Variants in CAPN2 observed in about 807,000 individuals in gnomAD.
The protein encoded by CAPN2 is calpain-2 catalytic subunit.
CAPN2 carries 92 observed loss-of-function variants against 102.3 expected under a neutral mutation model. The ratio of observed to expected loss-of-function variants is 0.90; its 90% CI spans 0.76 to 1.07. The LOEUF (loss-of-function observed/expected upper bound fraction) is 1.07, where lower values mean the gene tolerates loss of function less well. Among genes scored for constraint, CAPN2 ranks in the 50% least tolerant of loss-of-function variants. The pLI is 0.00. For synonymous variants in CAPN2, 340 were observed against 355.4 expected, an observed-to-expected ratio of 0.96 and a Z score of 0.49; for missense variants, 800 against 909.4, an observed-to-expected ratio of 0.88 and a Z score of 1.55.
chr1:223,730,442 G>C (rs192732027), intron 2 of CAPN2, among the ~76,000 whole-genome samples: 32 of 151,872 alleles, frequency 2.1e-4, no homozygotes, highest in African/African-American at 7.5e-4. Flanking sequence ...GAAGCCAAAA[G>C]ATTGGACACC....
rs201781579 is a variant in CAPN2 at position 223,755,498 on chromosome 1, C to T, written c.1154C>T (p.Pro385Leu). 19 of 1,613,936 alleles carry T rather than the reference C, an allele frequency of 1.2e-5. No individual in the cohort carries two copies. Among genetic ancestry groups the T allele is most frequent in the Non-Finnish European group, 1.6e-5 (19 of 1,180,028 alleles). ...GCTGCAGACACATTCTGGATGAACC[C>T]TCAGTACCTGATCAAGCTGGAGGAG... ...RNYPNTFWMNPQYLIKLEEED... is the reference protein window; with the variant it reads ...RNYPNTFWMNLQYLIKLEEED... The change falls in exon 10 of 21, where the codon CCT (proline) becomes CTT (leucine). Residue 385 changes from proline (P) to leucine (L), a missense_variant. Coordinates refer to ENST00000295006, the MANE Select transcript of CAPN2 (RefSeq NM_001748.5). The surrounding 1 kb of genome is among the most constrained non-coding windows in gnomAD (Gnocchi z 4.1).
chr1:223,742,518 A>T (rs200393875), intron 2 of CAPN2, among the ~76,000 whole-genome samples: 4,758 of 114,410 alleles, frequency 0.042, 169 homozygotes, highest in South Asian at 0.057. Context: ...ATATATATAT[A>T]TTTTTTTTTT....
In CAPN2 at chr1:223,749,017, C is replaced by T. The variant is rs775111866; in HGVS notation, c.730-22C>T. 15 of 1,609,616 alleles carry T rather than the reference C, an allele frequency of 9.3e-6. 1 individual carries two copies. In the East Asian group the frequency reaches 3.3e-4, roughly 36 times the overall value. On this transcript the variant is annotated intron_variant, in intron 5 of 20. Coordinates refer to ENST00000295006, the MANE Select transcript of CAPN2 (RefSeq NM_001748.5). The stretch of plus-strand genomic sequence containing the variant: ...GGAAGGGAGAGCGGGTGCGGCCAGT[C>T]TGACGGTTGCTGTGTTTGCAGATCA...
intron 2 of CAPN2, among the ~76,000 whole-genome samples, chr1:223,723,518 G>A (rs573416816): frequency 6.6e-6 from 1 of 152,054 alleles, no homozygotes; most frequent in South Asian, 2.1e-4. Flanking sequence ...GGGCCATCAT[G>A]TCCCCTCGGC....
At chr1:223,715,917 T>G (rs1481893477) in intron 1 of CAPN2, among the ~76,000 whole-genome samples, 1 of 152,234 alleles carries the variant, frequency 6.6e-6, no homozygotes, top group East Asian at 1.9e-4. Context: ...CATGTTTACA[T>G]CATTATCTCA....
upstream of CAPN2, among the ~76,000 whole-genome samples, chr1:223,709,292 T>C (rs1187242823): frequency 1.3e-5 from 2 of 152,252 alleles, no homozygotes; most frequent in East Asian, 3.9e-4. Flanking sequence ...AGAGGAATAA[T>C]AGTGACAAAA....
rs184906880 is a variant in CAPN2 at position 223,774,338 on chromosome 1, C to T, written c.2080-496C>T. Among the ~76,000 whole-genome samples, 184 of 152,316 alleles carry T rather than the reference C, an allele frequency of 1.2e-3. 1 individual carries two copies. The highest frequency in any genetic ancestry group is 0.01 in the Middle Eastern group (3 of 294). On this transcript the variant is annotated intron_variant, in intron 20 of 20. Transcript: ENST00000295006. ...GGATGAGCCATGTTCAGAAGCTCTC[C>T]GTTCAGTCTGCAGGGATTTCAACCT...
At chr1:223,750,745 C>T (rs1660865592) in intron 6 of CAPN2, 145 bp from the exon 7 acceptor site, 4 of 694,916 alleles carry the variant, frequency 5.8e-6, no homozygotes, top group African/African-American at 1.8e-5. Context: ...GATCCTCCCT[C>T]ATACATGGAC....
rs1436682876 is a variant in CAPN2, at chr1:223,745,435, G to A, written c.556G>A (p.Ala186Thr). Reference protein sequence around the residue: ...FWSALLEKAYAKINGCYEALS... With the variant: ...FWSALLEKAYTKINGCYEALS... ...GAGCGCCCTGCTGGAGAAGGCATAC[G>A]CCAAGTAAGTTGCCATCCTCCCCTG... The change falls in exon 4 of 21, where the codon GCC becomes ACC. Residue 186 changes from alanine to threonine, a missense_variant. Coordinates refer to ENST00000295006, the MANE Select transcript of CAPN2 (RefSeq NM_001748.5). 5.5e-5 allele frequency: 88 copies of A among 1,614,038 alleles called. No individual in the cohort carries two copies. Among genetic ancestry groups the A allele is most frequent in the Admixed American group, 8.3e-5 (5 of 59,990 alleles).
rs1382515776 is a variant in CAPN2 at position 223,741,435 on chromosome 1, A to ATATATATATATATATAT, written c.308-2665_308-2664insTATATATATATATATAT. 4.4e-4 allele frequency among the ~76,000 whole-genome samples: 18 copies of ATATATATATATATATAT among 40,570 alleles called. 1 individual carries two copies. The highest frequency in any genetic ancestry group is 2.6e-3 in the African/African-American group (17 of 6,428). 26.6% of individuals were successfully genotyped at this position (40,570 alleles called of 152,430 possible). ...GGCTGTAAAATGTATATATATATAT[A>ATATATATATATATATAT]ATGTGTATATATATATATATATATA... On this transcript the variant is annotated intron_variant, in intron 2 of 20. Transcript: ENST00000295006.
Position 223,769,846 on chromosome 1 carries a change from C to T in CAPN2, c.1761C>T (p.Asp587=), listed in dbSNP as rs1224884426. The change falls in exon 17 of 21, where the codon GAC becomes GAT. Residue 587 remains aspartate, a synonymous_variant. Coordinates refer to ENST00000295006, the MANE Select transcript of CAPN2 (RefSeq NM_001748.5). ...CTTTCCTTGACTGAAGGCAGTCGGA[C>T]GGGAGTGGCAAGCTGGGGCTGAAGG... ...CKIMVDMLDS[D]GSGKLGLKEF... is the part of the protein sequence containing the mutation. 13 of 1,608,224 alleles carry T rather than the reference C, an allele frequency of 8.1e-6. No homozygotes were observed. The highest frequency in any genetic ancestry group is 1.6e-4 in the Middle Eastern group (1 of 6,074).
At chr1:223,719,639 C>T (rs1659995563) in intron 2 of CAPN2, among the ~76,000 whole-genome samples, 1 of 152,168 alleles carries the variant, frequency 6.6e-6, no homozygotes, top group African/African-American at 2.4e-5. Context: ...GCAACAAATA[C>T]ATGATTTAAG....
rs896701377 is a variant in CAPN2, at chr1:223,731,161, A to G, written c.308-12939A>G. On this transcript the variant is annotated intron_variant, in intron 2 of 20. Transcript: ENST00000295006. This position sits in a 1 kb window ranked among gnomAD's most constrained non-coding sequence, Gnocchi z 4.2. ...GGGAGAGTTGGAAGGAAGGTTTCCC[A>G]CAAAGAGGAAGCAGGGAGTGATTCA... Among the ~76,000 whole-genome samples the G allele has an allele frequency of 6.6e-6, 1 of 152,200 alleles. No homozygotes were observed. The highest frequency in any genetic ancestry group is 1.5e-5 in the Non-Finnish European group (1 of 68,042).
Position 223,716,557 on chromosome 1 carries a change from C to T in CAPN2, c.238-1205C>T, listed in dbSNP as rs563125546. Among the ~76,000 whole-genome samples, 6 of 152,132 alleles carry T rather than the reference C, an allele frequency of 3.9e-5. No homozygotes were observed. In the South Asian group the frequency reaches 1.2e-3, roughly 32 times the overall value. On this transcript the variant is annotated intron_variant, in intron 1 of 20. Coordinates refer to ENST00000295006, the MANE Select transcript of CAPN2 (RefSeq NM_001748.5). ...GTGCTTCCGGAAGAGCTCCCACAAT[C>T]TGAGCTAGAATGAACAGGGGCTAGA...
chr1:223,722,281 C>CTTTTTTTTTTTTTTTTTTT (rs34894876), intron 2 of CAPN2, among the ~76,000 whole-genome samples: 25 of 85,488 alleles, frequency 2.9e-4, no homozygotes, highest in African/African-American at 6.9e-4. Context: ...TTCTTTCTTT[C>CTTTTTTTTTTTTTTTTTTT]TTTTTTTTTT....
intron 12 of CAPN2, among the ~76,000 whole-genome samples, chr1:223,760,942 G>A (rs188131330): frequency 6.6e-6 from 1 of 152,328 alleles, no homozygotes; most frequent in African/African-American, 2.4e-5. Context: ...AACCTCCTGA[G>A]CTTGATTACC....
chr1:223,706,237 C>T (rs1239180307), intron 1 of CAPN2, among the ~76,000 whole-genome samples: 1 of 152,154 alleles, frequency 6.6e-6, no homozygotes, highest in African/African-American at 2.4e-5. Flanking sequence ...TTTGCAACAC[C>T]AGGGAGAAGC....
Position 223,712,802 on chromosome 1 carries a change from C to T in CAPN2, c.162C>T (p.Ile54=), listed in dbSNP as rs768860114. ...TCCAGGACCCGTCCTTCCCGGCCATCCCCTCGGCCCTGGGCTTCAAGGAGT... is the reference window on the plus strand; with the variant it reads ...TCCAGGACCCGTCCTTCCCGGCCATTCCCTCGGCCCTGGGCTTCAAGGAGT... ...TLFQDPSFPA[I]PSALGFKELG... is the part of the protein sequence containing the mutation. Residue 54 remains isoleucine, a synonymous_variant, in exon 1 of 21, where the codon ATC becomes ATT. Transcript: ENST00000295006. 42 of 1,579,468 alleles carry T rather than the reference C, an allele frequency of 2.7e-5. No homozygotes were observed. Among genetic ancestry groups the T allele is most frequent in the Non-Finnish European group, 3.4e-5 (40 of 1,165,560 alleles).
At chr1:223,707,756 C>T (rs1055537338), upstream of CAPN2, among the ~76,000 whole-genome samples, 1 of 152,174 alleles carries the variant, frequency 6.6e-6, no homozygotes, top group Non-Finnish European at 1.5e-5. Context: ...TCAGGTGAGC[C>T]AGGAGGCTCT....
Sources: allele counts gnomAD v4.1 joint callset (sites outside exome capture counted in the v4.1 genomes callset), GRCh38; gene constraint gnomAD v4.1.1; non-coding constraint Gnocchi (gnomAD v3.1); transcripts MANE v1.5; gene names NCBI Gene and HGNC (gene_info 2026-07-23, HGNC 2026-07-21).